AUH: variants seen among roughly 807,000 people sequenced by gnomAD.
AUH encodes AU RNA binding methylglutaconyl-CoA hydratase.
AUH carries 29 observed loss-of-function variants against 42.3 expected under a neutral mutation model. That is an observed-to-expected ratio of 0.69 (90% CI 0.51 to 0.93). The LOEUF (loss-of-function observed/expected upper bound fraction) is 0.93, where lower values mean the gene tolerates loss of function less well. Among genes scored for constraint, AUH ranks in the 40% least tolerant of loss-of-function variants. The probability of loss-of-function intolerance (pLI) is 0.00; values close to 1 mark genes in which losing one functional copy is unlikely to be tolerated. For synonymous variants in AUH, 174 were observed against 166.4 expected (o/e 1.05, Z -0.35); for missense variants, 452 against 438.1 (o/e 1.03, Z -0.28).
chr9:91,340,214 C>A (rs1420782480), intron 3 of AUH, among the ~76,000 whole-genome samples: 1 of 152,174 alleles, frequency 6.6e-6, no homozygotes, highest in Non-Finnish European at 1.5e-5. Context: ...AGGACAGTAA[C>A]TACCTTCTGC....
chr9:91,279,048 G>T (rs1048472133), intron 6 of AUH, among the ~76,000 whole-genome samples: 2 of 151,968 alleles, frequency 1.3e-5, no homozygotes, highest in Admixed American at 1.3e-4. Context: ...TGATTTCATG[G>T]GTGTATATAT....
intron 6 of AUH, among the ~76,000 whole-genome samples, chr9:91,236,361 A>G (rs1017831084): frequency 5.9e-5 from 9 of 152,214 alleles, no homozygotes; most frequent in Admixed American, 5.2e-4. Context: ...CAGATACTAC[A>G]TAACACTACG....
chr9:91,252,035 C>T (rs1051064225), intron 6 of AUH, among the ~76,000 whole-genome samples: 4 of 152,034 alleles, frequency 2.6e-5, no homozygotes, highest in East Asian at 1.9e-4. Context: ...GGCACGATCT[C>T]GGCTCACTGC....
chr9:91,335,794 G>A (rs1055128167), intron 3 of AUH, among the ~76,000 whole-genome samples: 2 of 152,164 alleles, frequency 1.3e-5, no homozygotes, highest in Admixed American at 1.3e-4. Flanking sequence ...TCCCAATGTA[G>A]GGGACTTTTT....
chr9:91,326,521 G>T (rs532955038), intron 3 of AUH, among the ~76,000 whole-genome samples: 1 of 152,142 alleles, frequency 6.6e-6, no homozygotes, highest in Non-Finnish European at 1.5e-5. Flanking sequence ...GAAGGTGAAA[G>T]AATTAAGAGT....
At chr9:91,270,385 G>A (rs548508289) in intron 6 of AUH, among the ~76,000 whole-genome samples, 54 of 152,256 alleles carry the variant, frequency 3.5e-4, no homozygotes, top group African/African-American at 1.2e-3. Flanking sequence ...GCCCTGGTTC[G>A]CTTCCCTAGT....
At chr9:91,287,320 G>A (rs942818056) in intron 6 of AUH, among the ~76,000 whole-genome samples, 5 of 152,106 alleles carry the variant, frequency 3.3e-5, no homozygotes, top group Non-Finnish European at 7.4e-5. Flanking sequence ...TTGTCAAGAT[G>A]ATTAAATACA....
At chr9:91,228,506 T>C (rs1430589938) in intron 6 of AUH, among the ~76,000 whole-genome samples, 1 of 149,216 alleles carries the variant, frequency 6.7e-6, no homozygotes, top group African/African-American at 2.5e-5. Context: ...AAAAACCAGC[T>C]CCTGGATTCA....
intron 3 of AUH, among the ~76,000 whole-genome samples, chr9:91,352,429 A>G (rs914102990): frequency 2.0e-5 from 3 of 152,054 alleles, no homozygotes; most frequent in Non-Finnish European, 4.4e-5. Flanking sequence ...ATAATTATTT[A>G]TATTAGGGGA....
intron 6 of AUH, among the ~76,000 whole-genome samples, chr9:91,274,973 ACAAT>A (rs1486314560): frequency 1.3e-5 from 2 of 152,218 alleles, no homozygotes; most frequent in Admixed American, 1.3e-4. Flanking sequence ...GAAGAGAGTA[ACAAT>A]TAGGCAAGGA....
chr9:91,227,569 GCCA>G (rs1273270736), intron 6 of AUH, among the ~76,000 whole-genome samples: 1 of 122,726 alleles, frequency 8.1e-6, no homozygotes, highest in African/African-American at 3.0e-5. Context: ...AATTGCCCTG[GCCA>G]GAACTTCCAA....
intron 6 of AUH, among the ~76,000 whole-genome samples, chr9:91,242,631 C>T (rs1048503889): frequency 1.3e-5 from 2 of 152,156 alleles, no homozygotes; most frequent in South Asian, 4.1e-4. Flanking sequence ...TCTTGTGTTT[C>T]TGAATTAACT....
intron 3 of AUH, among the ~76,000 whole-genome samples, chr9:91,350,029 G>A (rs1041657859): frequency 1.3e-5 from 2 of 152,102 alleles, no homozygotes; most frequent in East Asian, 3.9e-4. Flanking sequence ...AGAATGTCAC[G>A]ATCAACAATA....
chr9:91,324,916 T>A (rs1587860819), intron 4 of AUH, among the ~76,000 whole-genome samples: 1 of 152,144 alleles, frequency 6.6e-6, no homozygotes, highest in East Asian at 1.9e-4. Context: ...AAGACTGGAT[T>A]AATATACAGC....
intron 1 of AUH, among the ~76,000 whole-genome samples, chr9:91,358,852 G>A (rs529768979): frequency 6.6e-6 from 1 of 152,282 alleles, no homozygotes; most frequent in South Asian, 2.1e-4. Flanking sequence ...TGTAACAACT[G>A]TACCATCAAA....
chr9:91,305,836 G>T (rs1470876918), intron 4 of AUH, among the ~76,000 whole-genome samples: 2 of 152,116 alleles, frequency 1.3e-5, no homozygotes, highest in African/African-American at 2.4e-5. Flanking sequence ...TGGTTTCAGG[G>T]TTTTGCTCTT....
At chr9:91,357,820 A>C (rs1832545457) in intron 1 of AUH, among the ~76,000 whole-genome samples, 1 of 152,220 alleles carries the variant, frequency 6.6e-6, no homozygotes, top group Non-Finnish European at 1.5e-5. Context: ...GAGGGGGAGA[A>C]GAGAGTGACC....
chr9:91,320,800 T>G (rs1172530542), intron 4 of AUH, among the ~76,000 whole-genome samples: 1 of 152,228 alleles, frequency 6.6e-6, no homozygotes, highest in Non-Finnish European at 1.5e-5. Flanking sequence ...ACATTTCTTG[T>G]GTTCATGAGA....
At chr9:91,325,247 T>C (rs1189255083) in intron 4 of AUH, 71 bp downstream of exon 4, 3 of 1,211,056 alleles carry the variant, frequency 2.5e-6, no homozygotes, top group African/African-American at 1.5e-5. Context: ...TTATATATAA[T>C]GTGTAACTTT....
Sources: allele counts gnomAD v4.1 joint callset (sites outside exome capture counted in the v4.1 genomes callset), GRCh38; gene constraint gnomAD v4.1.1; transcripts MANE v1.5; gene names NCBI Gene and HGNC (gene_info 2026-07-23, HGNC 2026-07-21).